PCSK5: variants seen among roughly 807,000 people sequenced by gnomAD.
PCSK5 encodes prohormone convertase 5.
In PCSK5, 129 loss-of-function variants were observed where a neutral mutation model predicts 233.2. The ratio of observed to expected loss-of-function variants is 0.55; its 90% CI spans 0.48 to 0.64. The LOEUF is 0.64. Among genes scored for constraint, PCSK5 ranks in the 30% least tolerant of loss-of-function variants. PCSK5 has a pLI of 0.00. For synonymous variants in PCSK5, 825 were observed against 879.2 expected (o/e 0.94, Z 1.09); for missense variants, 2,076 against 2,430.1 (o/e 0.85, Z 3.06).
chr9:76,184,755 A>G lies in PCSK5; in HGVS notation c.2280A>G (p.Leu760=). The G allele has an allele frequency of 6.3e-7, 1 of 1,585,896 alleles. No homozygotes were observed. The change falls in exon 17 of 38, where the codon TTA becomes TTG. Residue 760 remains leucine, a splice_region_variant and synonymous_variant. Transcript: ENST00000674117. The stretch of plus-strand genomic sequence containing the variant: ...ACTGTACAGAATGTAGGGATGGGTT[A>G]AGGTAAGAGAGTGAAGGATTTTATC... The part of the protein sequence containing the change: ...FHNCTECRDG[L]SLQGSRCSVS...
At chr9:75,908,869 T>TTTATCTA (rs1822533324) in intron 1 of PCSK5, among the ~76,000 whole-genome samples, 2 of 119,906 alleles carry the variant, frequency 1.7e-5, no homozygotes, top group East Asian at 5.8e-4. Flanking sequence ...ATCCTTCTCT[T>TTTATCTA]TCTATTTATC....
chr9:76,163,839 T>C (rs1392338570), intron 12 of PCSK5, among the ~76,000 whole-genome samples: 1 of 151,028 alleles, frequency 6.6e-6, no homozygotes, highest in Non-Finnish European at 1.5e-5. Context: ...GCTGCATCTG[T>C]TAGAATTATA....
intron 20 of PCSK5, among the ~76,000 whole-genome samples, chr9:76,223,288 A>T (rs751151298): frequency 7.7e-4 from 117 of 152,216 alleles, no homozygotes; most frequent in Non-Finnish European, 1.4e-3. Context: ...TATAAAAGAA[A>T]GCGTAGCATT....
intron 20 of PCSK5, among the ~76,000 whole-genome samples, chr9:76,211,329 T>G (rs1408353391): frequency 6.6e-6 from 1 of 152,202 alleles, no homozygotes; most frequent in East Asian, 1.9e-4. Flanking sequence ...TGCCTTTATT[T>G]CTCTCTGCAT....
At chr9:76,038,957 G>T (rs1828981276) in intron 5 of PCSK5, among the ~76,000 whole-genome samples, 1 of 152,174 alleles carries the variant, frequency 6.6e-6, no homozygotes, top group African/African-American at 2.4e-5. Context: ...TAGTGGCATT[G>T]TTTTAGTAGA....
chr9:76,332,940 G>A (rs1829577456), intron 34 of PCSK5, among the ~76,000 whole-genome samples: 1 of 152,264 alleles, frequency 6.6e-6, no homozygotes, highest in Non-Finnish European at 1.5e-5. Flanking sequence ...TACGTGGGAG[G>A]TTGAGGCTGG....
At chr9:76,224,911 C>T (rs1233543560) in intron 20 of PCSK5, among the ~76,000 whole-genome samples, 4 of 152,164 alleles carry the variant, frequency 2.6e-5, no homozygotes, top group African/African-American at 7.2e-5. Context: ...AGACTTTGAG[C>T]GCAGACATGA....
intron 1 of PCSK5, among the ~76,000 whole-genome samples, chr9:75,893,774 G>T (rs1036642540): frequency 5.9e-5 from 9 of 152,162 alleles, no homozygotes; most frequent in Admixed American, 2.0e-4. Flanking sequence ...GTTTTACAGC[G>T]CCAATGAGGA....
chr9:76,005,189 T>G (rs1827424940), intron 3 of PCSK5, among the ~76,000 whole-genome samples: 3 of 152,226 alleles, frequency 2.0e-5, no homozygotes, highest in Admixed American at 1.3e-4. Flanking sequence ...TTATGTACAA[T>G]TTAAGATTTC....
At chr9:76,018,133 A>C (rs568629576) in intron 3 of PCSK5, among the ~76,000 whole-genome samples, 1 of 152,310 alleles carries the variant, frequency 6.6e-6, no homozygotes, top group Admixed American at 6.5e-5. Flanking sequence ...TGACTTAATC[A>C]GAAATGGAGC....
chr9:76,272,268 T>A (rs559614033), intron 24 of PCSK5, among the ~76,000 whole-genome samples: 9 of 152,282 alleles, frequency 5.9e-5, no homozygotes, highest in African/African-American at 2.2e-4. Context: ...CTTCTACCCA[T>A]CTCAACAACT....
At chr9:76,158,853 T>C (rs546987140) in intron 11 of PCSK5, 130 bp from the exon 12 acceptor site, 8 of 725,162 alleles carry the variant, frequency 1.1e-5, no homozygotes, top group East Asian at 1.0e-4. Flanking sequence ...ATTTTGGTGA[T>C]AGCACTGTTG....
chr9:76,228,508 A>C (rs2131311423), intron 21 of PCSK5, among the ~76,000 whole-genome samples: 1 of 152,370 alleles, frequency 6.6e-6, no homozygotes, highest in South Asian at 2.1e-4. Flanking sequence ...CGGGGATAAT[A>C]GCAGGCACTC....
At chr9:76,172,653 A>G (rs1245249909) in intron 13 of PCSK5, among the ~76,000 whole-genome samples, 1 of 152,226 alleles carries the variant, frequency 6.6e-6, no homozygotes, top group African/African-American at 2.4e-5. Flanking sequence ...AGGATGACCT[A>G]TAGTGTCCTT....
intron 5 of PCSK5, among the ~76,000 whole-genome samples, chr9:76,046,188 T>G (rs1829382153): frequency 8.7e-5 from 9 of 103,404 alleles, no homozygotes; most frequent in South Asian, 2.9e-4. Flanking sequence ...TTTTTTTTTT[T>G]TTTTTTTGAG....
In PCSK5 at chr9:76,351,700, A is replaced by AGGAGATTCATTTGCCAC. The variant is rs1554724891; in HGVS notation, c.5067+788_5067+789insCGGAGATTCATTTGCCA. On this transcript the variant is annotated intron_variant, in intron 36 of 37. Transcript: ENST00000674117. ...GAAAGAGGTAGGGAGGGAGGAAGGA[A>AGGAGATTCATTTGCCAC]GGAGATTCATTTGCCATGGATTTTC... Among the ~76,000 whole-genome samples, 14 of 151,614 alleles carry AGGAGATTCATTTGCCAC rather than the reference A, an allele frequency of 9.2e-5. 1 individual carries two copies. Among genetic ancestry groups the AGGAGATTCATTTGCCAC allele is most frequent in the Admixed American group, 3.3e-4 (5 of 15,198 alleles).
At chr9:75,897,651 A>G (rs867483762) in intron 1 of PCSK5, among the ~76,000 whole-genome samples, 1 of 150,918 alleles carries the variant, frequency 6.6e-6, no homozygotes, top group Non-Finnish European at 1.5e-5. Flanking sequence ...GCACCACCAC[A>G]CCTGGCTAAT....
At chr9:76,302,683 C>A (rs1417777522) in intron 28 of PCSK5, among the ~76,000 whole-genome samples, 6 of 152,248 alleles carry the variant, frequency 3.9e-5, no homozygotes, top group Non-Finnish European at 8.8e-5. Flanking sequence ...GGAAGAGGTT[C>A]TTTCTGTACT....
chr9:75,995,741 T>TCACACACACA (rs1156343841), intron 3 of PCSK5, among the ~76,000 whole-genome samples: 1 of 52,742 alleles, frequency 1.9e-5, no homozygotes, highest in Non-Finnish European at 3.9e-5. Flanking sequence ...CAGGATTCAT[T>TCACACACACA]CATACACACA....
Sources: gnomAD v4.1 joint callset for allele counts (sites outside exome capture counted in the v4.1 genomes callset) on GRCh38, gnomAD v4.1.1 for gene constraint, MANE v1.5 for transcripts, NCBI Gene and HGNC (gene_info 2026-07-23, HGNC 2026-07-21) for gene names.